The following CPNE4 variants were observed in gnomAD, a reference collection of about 807,000 sequenced individuals.
The protein encoded by CPNE4 is copine-4.
A neutral mutation model predicts 67.9 loss-of-function variants in CPNE4; 25 were observed. The observed-to-expected ratio is 0.37, with a 90% CI of 0.27 to 0.51. The LOEUF (loss-of-function observed/expected upper bound fraction) is 0.51, where lower values mean the gene tolerates loss of function less well. Ranked by LOEUF, CPNE4 falls within the 20% of genes least tolerant of loss-of-function variation. The probability of loss-of-function intolerance (pLI) is 0.93; values close to 1 mark genes in which losing one functional copy is unlikely to be tolerated. For synonymous variants in CPNE4, 242 were observed against 244.9 expected (o/e 0.99, Z 0.11); for missense variants, 464 against 690.8 (o/e 0.67, Z 3.68).
upstream of CPNE4, among the ~76,000 whole-genome samples, chr3:132,039,210 G>C (rs761232371): frequency 6.6e-6 from 1 of 152,140 alleles, no homozygotes; most frequent in East Asian, 1.9e-4. Flanking sequence ...GGCAGTTTCT[G>C]TGAGAGTTTT....
At chr3:131,698,168 G>A (rs1406846649) in intron 4 of CPNE4, among the ~76,000 whole-genome samples, 1 of 143,686 alleles carries the variant, frequency 7.0e-6, no homozygotes, top group Non-Finnish European at 1.5e-5. Context: ...CCGGGAGGTG[G>A]AACTTGTAGT....
At chr3:131,908,559 A>G (rs979995282) in intron 1 of CPNE4, among the ~76,000 whole-genome samples, 2 of 152,124 alleles carry the variant, frequency 1.3e-5, no homozygotes, top group East Asian at 1.9e-4. Flanking sequence ...CCTATCTCCA[A>G]GAGCCATCAC....
At chr3:131,787,827 C>T (rs570662542) in intron 2 of CPNE4, among the ~76,000 whole-genome samples, 1 of 152,008 alleles carries the variant, frequency 6.6e-6, no homozygotes, top group Non-Finnish European at 1.5e-5. Flanking sequence ...ATCTGAAGAC[C>T]GTACAGGACA....
At position 131,653,864 on chromosome 3, in the gene CPNE4, T is replaced by C. The variant is rs147919765; in HGVS notation, c.681+15811A>G. ...CAACTTACACGTCAGCAGAATTTTG[T>C]GACTGAAAAAGTCTTAAGAAACACT... On this transcript the variant is annotated intron_variant, in intron 7 of 15. Coordinates refer to ENST00000429747, the MANE Select transcript of CPNE4 (RefSeq NM_130808.3). Among the ~76,000 whole-genome samples the C allele has an allele frequency of 7.0e-3, 1,069 of 152,328 alleles. 11 individuals carry two copies. The highest frequency in any genetic ancestry group is 0.024 in the African/African-American group (1,018 of 41,568).
At chr3:131,648,297 C>T (rs2079717351) in intron 7 of CPNE4, among the ~76,000 whole-genome samples, 1 of 152,190 alleles carries the variant, frequency 6.6e-6, no homozygotes, top group African/African-American at 2.4e-5. Flanking sequence ...TGCTTGAGCC[C>T]AGGAAGCCAA....
At chr3:131,994,018 T>C (rs926916844) in intron 1 of CPNE4, among the ~76,000 whole-genome samples, 7 of 136,572 alleles carry the variant, frequency 5.1e-5, no homozygotes, top group Non-Finnish European at 1.2e-4. Context: ...CATTTCTATA[T>C]ATTAGCTATG....
chr3:131,883,032 T>G (rs548878078), intron 2 of CPNE4, among the ~76,000 whole-genome samples: 1 of 152,242 alleles, frequency 6.6e-6, no homozygotes, highest in South Asian at 2.1e-4. Context: ...TGCTCTACTT[T>G]CAATGGCAAA....
intron 7 of CPNE4, among the ~76,000 whole-genome samples, chr3:131,610,566 G>A (rs1939779171): frequency 6.6e-6 from 1 of 152,182 alleles, no homozygotes; most frequent in Non-Finnish European, 1.5e-5. Flanking sequence ...TGTTCATTGA[G>A]ACAACTGAGA....
chr3:131,852,217 G>A (rs1274221772), intron 2 of CPNE4, among the ~76,000 whole-genome samples: 2 of 151,752 alleles, frequency 1.3e-5, no homozygotes, highest in African/African-American at 4.8e-5. Flanking sequence ...TTTCCTACCA[G>A]GAAATAAATC....
intron 5 of CPNE4, among the ~76,000 whole-genome samples, chr3:131,694,276 CAT>C (rs1344559360): frequency 2.6e-5 from 4 of 151,904 alleles, no homozygotes; most frequent in African/African-American, 7.2e-5. Flanking sequence ...TAACTGCAAA[CAT>C]GTAGATAGTT....
chr3:131,694,422 C>T (rs1583032903), intron 5 of CPNE4, among the ~76,000 whole-genome samples: 1 of 152,048 alleles, frequency 6.6e-6, no homozygotes, highest in African/African-American at 2.4e-5. Flanking sequence ...TGGCAGTTTG[C>T]ATTTTGTAAA....
At chr3:131,616,253 T>C (rs1019082667) in intron 7 of CPNE4, among the ~76,000 whole-genome samples, 3 of 137,390 alleles carry the variant, frequency 2.2e-5, no homozygotes, top group African/African-American at 1.1e-4. Context: ...GAAAACAATG[T>C]GATAGCTGAG....
chr3:131,696,332 T>C (rs73871392), intron 5 of CPNE4, among the ~76,000 whole-genome samples: 2,069 of 152,324 alleles, frequency 0.014, 43 homozygotes, highest in African/African-American at 0.046. Context: ...CTTGGTGTCA[T>C]AGAATTGTCT....
At chr3:131,785,094 A>C (rs2083522923) in intron 2 of CPNE4, among the ~76,000 whole-genome samples, 1 of 152,122 alleles carries the variant, frequency 6.6e-6, no homozygotes, top group South Asian at 2.1e-4. Context: ...TGGTGTGAGG[A>C]CATAGCAGAC....
intron 1 of CPNE4, among the ~76,000 whole-genome samples, chr3:131,981,587 CCT>C (rs1242388685): frequency 1.3e-5 from 2 of 152,166 alleles, no homozygotes; most frequent in African/African-American, 4.8e-5. Flanking sequence ...AGATTTGTGC[CCT>C]CCCCCGAGTT....
chr3:131,941,522 T>C (rs1018537897), intron 1 of CPNE4, among the ~76,000 whole-genome samples: 4 of 151,962 alleles, frequency 2.6e-5, no homozygotes, highest in Non-Finnish European at 5.9e-5. Context: ...CAGCTTATTA[T>C]CTACAGCTAC....
chr3:131,674,039 A>G (rs1038235341), intron 6 of CPNE4, among the ~76,000 whole-genome samples: 8 of 151,824 alleles, frequency 5.3e-5, no homozygotes, highest in African/African-American at 1.9e-4. Flanking sequence ...GTTGAATTGT[A>G]TCAAATGCTT....
chr3:131,919,906 A>G (rs1009326716), intron 1 of CPNE4, among the ~76,000 whole-genome samples: 1 of 152,234 alleles, frequency 6.6e-6, no homozygotes, highest in African/African-American at 2.4e-5. Flanking sequence ...AAAAGAAAGC[A>G]GTAATAGAGA....
At chr3:131,547,558 T>C (rs980216935) in intron 14 of CPNE4, among the ~76,000 whole-genome samples, 2 of 148,724 alleles carry the variant, frequency 1.3e-5, no homozygotes, top group African/African-American at 5.0e-5. Flanking sequence ...AGAGGAGTCA[T>C]GATTTTCTTA....
Sources: gnomAD v4.1 joint callset for allele counts (sites outside exome capture counted in the v4.1 genomes callset) on GRCh38, gnomAD v4.1.1 for gene constraint, MANE v1.5 for transcripts, NCBI Gene and HGNC (gene_info 2026-07-23, HGNC 2026-07-21) for gene names.